CD226: variants seen among roughly 807,000 people sequenced by gnomAD.
The protein encoded by CD226 is CD226 antigen.
CD226 carries 24 observed loss-of-function variants against 34.9 expected under a neutral mutation model. The ratio of observed to expected loss-of-function variants is 0.69; its 90% CI spans 0.50 to 0.97. The LOEUF is 0.97. CD226 is among the 50% of genes least tolerant of loss of function. The pLI is 0.00. For synonymous variants in CD226, 148 were observed against 147.4 expected (o/e 1.00, Z -0.03); for missense variants, 397 against 412.7 (o/e 0.96, Z 0.33).
intron 2 of CD226, among the ~76,000 whole-genome samples, chr18:69,914,238 T>C (rs754161215): frequency 1.1e-4 from 17 of 152,212 alleles, no homozygotes; most frequent in Non-Finnish European, 1.6e-4. Flanking sequence ...ACCTTGACAT[T>C]TTTGATGAGT....
At chr18:69,899,223 T>C (rs1041097504) in intron 2 of CD226, among the ~76,000 whole-genome samples, 6 of 152,174 alleles carry the variant, frequency 3.9e-5, no homozygotes, top group African/African-American at 1.4e-4. Flanking sequence ...CTTCACATCA[T>C]GCCACTGCCC....
chr18:69,933,776 T>A (rs1255665829), intron 2 of CD226, among the ~76,000 whole-genome samples: 1 of 152,208 alleles, frequency 6.6e-6, no homozygotes, highest in African/African-American at 2.4e-5. Flanking sequence ...AATTCTGCTA[T>A]TTTCACTGAA....
intron 2 of CD226, among the ~76,000 whole-genome samples, chr18:69,940,673 A>C (rs1206637812): frequency 6.6e-6 from 1 of 152,194 alleles, no homozygotes; most frequent in East Asian, 1.9e-4. Context: ...CTGGCAGAAG[A>C]AACTTCTAAG....
chr18:69,899,654 G>A (rs371874513), intron 2 of CD226, among the ~76,000 whole-genome samples: 12 of 152,126 alleles, frequency 7.9e-5, no homozygotes, highest in Non-Finnish European at 1.2e-4. Context: ...AGACATATAC[G>A]TGGCCAACAA....
chr18:69,928,307 C>G (rs1160002221), intron 2 of CD226, among the ~76,000 whole-genome samples: 1 of 152,146 alleles, frequency 6.6e-6, no homozygotes, highest in Non-Finnish European at 1.5e-5. Context: ...AACTCTTTTG[C>G]TGTTTTATTG....
chr18:69,926,501 T>C (rs912470197), intron 2 of CD226, among the ~76,000 whole-genome samples: 1 of 152,142 alleles, frequency 6.6e-6, no homozygotes. Context: ...TACTTACATA[T>C]GATAGGGAGG....
intron 2 of CD226, among the ~76,000 whole-genome samples, chr18:69,939,098 G>T (rs994305863): frequency 1.3e-5 from 2 of 152,048 alleles, no homozygotes; most frequent in African/African-American, 4.8e-5. Context: ...AAAAGGAAAA[G>T]AAAAAGAAAT....
At chr18:69,955,615 C>T (rs916477314) in intron 1 of CD226, among the ~76,000 whole-genome samples, 3 of 152,054 alleles carry the variant, frequency 2.0e-5, no homozygotes. Flanking sequence ...CGCCTGTAAT[C>T]CCAAAGTGAA....
chr18:69,928,058 A>G (rs1161933134), intron 2 of CD226, among the ~76,000 whole-genome samples: 1 of 152,234 alleles, frequency 6.6e-6, no homozygotes, highest in Non-Finnish European at 1.5e-5. Flanking sequence ...GAAAAGCGGT[A>G]GATAAGTTTC....
intron 2 of CD226, among the ~76,000 whole-genome samples, chr18:69,934,874 G>C (rs946318664): frequency 6.6e-6 from 1 of 152,172 alleles, no homozygotes; most frequent in Admixed American, 6.5e-5. Flanking sequence ...GGATTGACTT[G>C]ATGGTCTTGA....
At chr18:69,902,301 A>G (rs2055197120) in intron 2 of CD226, among the ~76,000 whole-genome samples, 1 of 151,930 alleles carries the variant, frequency 6.6e-6, no homozygotes, top group South Asian at 2.1e-4. Flanking sequence ...TTCCCTATTC[A>G]TTCAAAATTC....
chr18:69,949,464 T>C (rs1294273079), upstream of CD226, among the ~76,000 whole-genome samples: 1 of 152,004 alleles, frequency 6.6e-6, no homozygotes, highest in Non-Finnish European at 1.5e-5. Context: ...CCAGCAAAAA[T>C]CAAACTACAA....
chr18:69,883,755 T>C (rs1046616043), intron 3 of CD226, among the ~76,000 whole-genome samples: 9 of 152,252 alleles, frequency 5.9e-5, no homozygotes, highest in African/African-American at 2.2e-4. Flanking sequence ...AGAATGTATA[T>C]GTTCTTATAA....
In CD226 at chr18:69,905,253, C is replaced by T. The variant is rs548145413; in HGVS notation, c.383-9208G>A. Reference sequence around the variant, plus strand: ...AACATCAGCTCCAAGGATGCCTCTGCTCCTAGATAGCTTATTTTCTGATGC... The same window carrying T: ...AACATCAGCTCCAAGGATGCCTCTGTTCCTAGATAGCTTATTTTCTGATGC... On this transcript the variant is annotated intron_variant, in intron 2 of 5. Coordinates refer to ENST00000582621, the MANE Select transcript of CD226 (RefSeq NM_001303618.2). Among the ~76,000 whole-genome samples, 12 of 151,574 alleles carry T rather than the reference C, an allele frequency of 7.9e-5. No homozygotes were observed. The South Asian group carries it at 2.5e-3, about 31-fold the overall frequency.
At chr18:69,942,304 A>G (rs2055735462) in intron 2 of CD226, among the ~76,000 whole-genome samples, 1 of 152,204 alleles carries the variant, frequency 6.6e-6, no homozygotes, top group South Asian at 2.1e-4. Flanking sequence ...TAGAGATACC[A>G]ATTAATCCTC....
chr18:69,872,059 T>TGG (rs1414138282), intron 4 of CD226, among the ~76,000 whole-genome samples: 2 of 121,530 alleles, frequency 1.6e-5, no homozygotes, highest in South Asian at 2.6e-4. Context: ...TAACAAGGGG[T>TGG]GTGTGTGTGT....
At chr18:69,866,099 C>T (rs1983125151) in intron 5 of CD226, among the ~76,000 whole-genome samples, 1 of 152,196 alleles carries the variant, frequency 6.6e-6, no homozygotes, top group African/African-American at 2.4e-5. Flanking sequence ...CCTCACATTG[C>T]AAAGAGCAGA....
At chr18:69,909,086 T>G (rs1008601804) in intron 2 of CD226, among the ~76,000 whole-genome samples, 20 of 152,234 alleles carry the variant, frequency 1.3e-4, no homozygotes, top group African/African-American at 4.8e-4. Context: ...TACCTTCTAT[T>G]GTGTTGTTTT....
intron 2 of CD226, among the ~76,000 whole-genome samples, chr18:69,902,114 G>A (rs2055193964): frequency 6.6e-6 from 1 of 152,120 alleles, no homozygotes; most frequent in Non-Finnish European, 1.5e-5. Flanking sequence ...AAACTAATTT[G>A]GTTTTAAAGC....
Sources: allele counts gnomAD v4.1 joint callset (sites outside exome capture counted in the v4.1 genomes callset), GRCh38; gene constraint gnomAD v4.1.1; transcripts MANE v1.5; gene names NCBI Gene and HGNC (gene_info 2026-07-23, HGNC 2026-07-21).